TPRG1: variants seen among roughly 807,000 people sequenced by gnomAD.
TPRG1 encodes tumor protein p63-regulated gene 1 protein.
In TPRG1, 29 loss-of-function variants were observed where a neutral mutation model predicts 29.3. The ratio of observed to expected loss-of-function variants is 0.99; its 90% CI spans 0.74 to 1.35. The LOEUF is 1.35. Among genes scored for constraint, TPRG1 ranks in the 40% most tolerant of loss-of-function variants. The pLI is 0.00. For synonymous variants in TPRG1, 130 were observed against 116.8 expected (o/e 1.11, Z -0.73); for missense variants, 327 against 335.0 (o/e 0.98, Z 0.19).
In TPRG1 at chr3:189,325,068, G is replaced by A. The variant is rs1577068198; in HGVS notation, c.*4248G>A. On this transcript the variant is annotated 3_prime_UTR_variant, in exon 6 of 6. Transcript: ENST00000345063. ...AGATACCAGTTCCCCAGAAGCTAAG[G>A]AAAAACTCTGAGGCCTTGGAGTTAC... The A allele has an allele frequency of 6.6e-6, 1 of 152,042 alleles. No individual in the cohort carries two copies. Among genetic ancestry groups the A allele is most frequent in the East Asian group, 1.9e-4 (1 of 5,180 alleles). 9.4% of individuals were successfully genotyped at this position (152,042 alleles called of 1,614,324 possible).
intron 4 of TPRG1, among the ~76,000 whole-genome samples, chr3:189,289,504 C>T (rs1235440581): frequency 1.3e-5 from 2 of 151,856 alleles, no homozygotes; most frequent in Non-Finnish European, 2.9e-5. Flanking sequence ...GCTGCCCCTG[C>T]TTAAGTTCAG....
chr3:189,304,927 C>T (rs1467663018), intron 4 of TPRG1, among the ~76,000 whole-genome samples: 2 of 152,186 alleles, frequency 1.3e-5, no homozygotes, highest in East Asian at 1.9e-4. Context: ...CCCATACTTA[C>T]AAGCACACGC....
At chr3:189,113,161 G>A (rs1207595027) in intron 1 of TPRG1, among the ~76,000 whole-genome samples, 1 of 152,174 alleles carries the variant, frequency 6.6e-6, no homozygotes, top group Non-Finnish European at 1.5e-5. Flanking sequence ...GTCCACTCAT[G>A]ATTTGGCTCT....
chr3:189,026,395 T>C (rs1234398615), intron 4 of TPRG1, among the ~76,000 whole-genome samples: 1 of 152,184 alleles, frequency 6.6e-6, no homozygotes, highest in East Asian at 1.9e-4. Context: ...AAGATCTAAA[T>C]CCAAATACTG....
intron 4 of TPRG1, among the ~76,000 whole-genome samples, chr3:189,065,304 C>G (rs1449789109): frequency 6.6e-6 from 1 of 152,088 alleles, no homozygotes; most frequent in African/African-American, 2.4e-5. Flanking sequence ...AGAGGAAACA[C>G]TTATTACCTT....
At chr3:189,151,082 G>C (rs1181850606) in intron 5 of TPRG1, 1 of 152,174 alleles carries the variant, frequency 6.6e-6, no homozygotes, top group East Asian at 1.9e-4. Flanking sequence ...CTTTGGATAA[G>C]TGATTAAAAC....
At chr3:189,196,926 G>A (rs746646446) in intron 1 of TPRG1, among the ~76,000 whole-genome samples, 1 of 152,104 alleles carries the variant, frequency 6.6e-6, no homozygotes, top group African/African-American at 2.4e-5. Context: ...TGTGTAAAAA[G>A]TCACAGTTGG....
intron 4 of TPRG1, among the ~76,000 whole-genome samples, chr3:189,245,631 T>A (rs1741262945): frequency 6.6e-6 from 1 of 152,190 alleles, no homozygotes; most frequent in African/African-American, 2.4e-5. Context: ...TTTGTGAATT[T>A]GTCATGTACA....
intron 4 of TPRG1, among the ~76,000 whole-genome samples, chr3:189,025,979 CTTA>C (rs1483159376): frequency 6.6e-6 from 1 of 152,106 alleles, no homozygotes; most frequent in Non-Finnish European, 1.5e-5. Context: ...TTTTTAGGCC[CTTA>C]TTAGTGCATC....
intron 3 of TPRG1, among the ~76,000 whole-genome samples, chr3:189,144,561 C>G (rs1022394926): frequency 6.6e-6 from 1 of 152,150 alleles, no homozygotes; most frequent in African/African-American, 2.4e-5. Context: ...GGTAGATTCA[C>G]AGGATTTTCT....
intron 3 of TPRG1, among the ~76,000 whole-genome samples, chr3:189,015,873 T>C (rs1397910922): frequency 6.6e-6 from 1 of 152,288 alleles, no homozygotes; most frequent in Non-Finnish European, 1.5e-5. Flanking sequence ...GGCAGAAGTT[T>C]ACTGTAGGCA....
intron 5 of TPRG1, among the ~76,000 whole-genome samples, chr3:189,151,596 C>T (rs546402257): frequency 3.4e-4 from 52 of 152,012 alleles, no homozygotes; most frequent in African/African-American, 1.2e-3. Context: ...GAAAGAGAAA[C>T]CTGGCCAGGC....
chr3:189,213,648 C>T (rs1309114605), intron 2 of TPRG1, among the ~76,000 whole-genome samples: 5 of 152,118 alleles, frequency 3.3e-5, no homozygotes, highest in African/African-American at 1.2e-4. Flanking sequence ...TCATCACATT[C>T]GTTACTACCC....
intron 3 of TPRG1, among the ~76,000 whole-genome samples, chr3:189,135,165 T>G (rs1343443041): frequency 6.6e-6 from 1 of 152,178 alleles, no homozygotes; most frequent in Non-Finnish European, 1.5e-5. Flanking sequence ...ATCTACACTC[T>G]TCAGCATGGG....
At chr3:189,047,721 AACAATGTTC>A (rs1715065233) in intron 4 of TPRG1, among the ~76,000 whole-genome samples, 1 of 152,202 alleles carries the variant, frequency 6.6e-6, no homozygotes, top group African/African-American at 2.4e-5. Context: ...TTGTCATTTC[AACAATGTTC>A]ACATCATTTT....
chr3:189,286,539 A>G (rs893550196), intron 4 of TPRG1, among the ~76,000 whole-genome samples: 8 of 152,106 alleles, frequency 5.3e-5, no homozygotes, highest in African/African-American at 1.9e-4. Context: ...AGGGGCAGAT[A>G]TCTCTCTCAA....
chr3:189,052,718 A>G (rs1020894237), intron 4 of TPRG1, among the ~76,000 whole-genome samples: 14 of 152,210 alleles, frequency 9.2e-5, no homozygotes, highest in African/African-American at 3.4e-4. Context: ...TGAGTGGATA[A>G]AGAAACTATT....
At chr3:189,147,692 G>C (rs1725438509) in intron 4 of TPRG1, 1 of 152,432 alleles carries the variant, frequency 6.6e-6, no homozygotes, top group Non-Finnish European at 1.5e-5. Context: ...CTGGAAGAGA[G>C]GGAAAAGTGA....
rs1389035405 is a variant in TPRG1, at chr3:189,196,814, A to G, written c.-9-10562A>G. On this transcript the variant is annotated intron_variant, in intron 1 of 5. Coordinates refer to ENST00000345063, the MANE Select transcript of TPRG1 (RefSeq NM_198485.4). The stretch of plus-strand genomic sequence containing the variant: ...ATAGTTCAATAAAGTGTTTATTAAT[A>G]AAAATTTCATTAGAATAATAAAGGC... Among the ~76,000 whole-genome samples, 4 of 152,264 alleles carry G rather than the reference A, an allele frequency of 2.6e-5. No homozygotes were observed. The East Asian group carries it at 7.7e-4, about 29-fold the overall frequency.
Sources: allele counts gnomAD v4.1 joint callset (sites outside exome capture counted in the v4.1 genomes callset), GRCh38; gene constraint gnomAD v4.1.1; transcripts MANE v1.5; gene names NCBI Gene and HGNC (gene_info 2026-07-23, HGNC 2026-07-21).